The following PIN4 variants were observed in gnomAD, a reference collection of about 807,000 sequenced individuals.
PIN4 encodes peptidylprolyl cis/trans isomerase, NIMA-interacting 4.
PIN4 carries 3 observed loss-of-function variants against 8.3 expected under a neutral mutation model. That is an observed-to-expected ratio of 0.36 (90% CI 0.16 to 0.93). The LOEUF is 0.93. PIN4 is among the 40% of genes least tolerant of loss of function. PIN4 has a pLI of 0.44. For missense variants in PIN4, 75 were observed against 100.6 expected, an observed-to-expected ratio of 0.75 and a Z score of 1.09; for synonymous variants, 18 against 32.5, an observed-to-expected ratio of 0.55 and a Z score of 1.52.
intron 3 of PIN4, among the ~76,000 whole-genome samples, chrX:72,232,995 G>A (rs1047724520): frequency 2.7e-5 from 3 of 110,971 alleles, no homozygotes; most frequent in African/African-American, 9.8e-5. Flanking sequence ...CTGATGGGTT[G>A]GTGGGGAACT....
intron 3 of PIN4, among the ~76,000 whole-genome samples, chrX:72,251,374 A>AAAAAAAAAAAAAAAAAAT (rs1242550251): frequency 9.3e-6 from 1 of 107,033 alleles, no homozygotes; most frequent in Admixed American, 1.0e-4. Context: ...AAAAAAAAAA[A>AAAAAAAAAAAAAAAAAAT]ATATGTGTGA....
downstream of PIN4, among the ~76,000 whole-genome samples, chrX:72,200,451 A>G (rs1016179856): frequency 1.8e-5 from 2 of 111,767 alleles, no homozygotes; most frequent in African/African-American, 6.5e-5. Context: ...ATGCAATTAT[A>G]TCCTCTGGAA....
intron 3 of PIN4, among the ~76,000 whole-genome samples, chrX:72,219,111 C>T (rs752420940): frequency 2.8e-4 from 31 of 110,990 alleles, no homozygotes; most frequent in Non-Finnish European, 5.5e-4. Flanking sequence ...CAAAAATTAG[C>T]TGGGTGTGGT....
At chrX:72,261,674 T>G (rs932956898) in intron 3 of PIN4, among the ~76,000 whole-genome samples, 8 of 112,416 alleles carry the variant, frequency 7.1e-5, no homozygotes, top group African/African-American at 2.6e-4. Context: ...TGCTGCCAAT[T>G]AGACCTGGTT....
At chrX:72,239,589 G>T (rs1159224666) in intron 3 of PIN4, among the ~76,000 whole-genome samples, 1 of 110,432 alleles carries the variant, frequency 9.1e-6, no homozygotes, top group Non-Finnish European at 1.9e-5. Context: ...TGGCTAAAAT[G>T]GTGACACCCC....
At chrX:72,220,579 C>T (rs1297261894) in intron 3 of PIN4, among the ~76,000 whole-genome samples, 1 of 110,932 alleles carries the variant, frequency 9.0e-6, no homozygotes, top group African/African-American at 3.3e-5. Context: ...AAGATAACCC[C>T]CCTCTGGCCA....
intron 3 of PIN4, 61 bp from the exon 4 acceptor site, chrX:72,197,307 T>G (rs2042771638): frequency 1.9e-6 from 2 of 1,051,486 alleles, no homozygotes; most frequent in Admixed American, 5.5e-5. Flanking sequence ...TCTCTCAAGC[T>G]ACAGTAGAAC....
intron 1 of PIN4, 126 bp downstream of exon 1, chrX:72,181,954 C>CGATTACATCTGTA: frequency 3.9e-6 from 2 of 511,655 alleles, no homozygotes; most frequent in South Asian, 5.5e-5. Flanking sequence ...GTGCTGCCAT[C>CGATTACATCTGTA]GATTACATCT....
chrX:72,203,317 C>CTGAG (rs1197522243), downstream of PIN4, among the ~76,000 whole-genome samples: 3 of 111,746 alleles, frequency 2.7e-5, no homozygotes, highest in African/African-American at 9.8e-5. Flanking sequence ...TAAACGTTTC[C>CTGAG]TGAGTTTTAT....
At chrX:72,186,659 A>C in intron 2 of PIN4, 125 bp downstream of exon 2, 1 of 513,794 alleles carries the variant, frequency 1.9e-6, no homozygotes, top group South Asian at 3.1e-5. Flanking sequence ...AAATCAAAAT[A>C]ACACAAAATT....
chrX:72,205,317 T>C lies in PIN4; in HGVS notation c.312+8413T>C, dbSNP rs761740948. On this transcript the variant is annotated intron_variant, in intron 3 of 3. Coordinates refer to the PIN4 transcript ENST00000423432. The stretch of plus-strand genomic sequence containing the variant: ...AGCTGGACTTGTTTTCTGAAGACAG[T>C]GTTTCTCCGGAAGGATCCTCTTCTG... 12 of 1,210,478 alleles carry C rather than the reference T, an allele frequency of 9.9e-6. No individual in the cohort carries two copies. In the African/African-American group the frequency reaches 1.2e-4, roughly 12 times the overall value.
At chrX:72,244,291 G>C (rs2043059733) in intron 3 of PIN4, among the ~76,000 whole-genome samples, 1 of 111,798 alleles carries the variant, frequency 8.9e-6, no homozygotes, top group Admixed American at 9.6e-5. Flanking sequence ...ATACCATGAG[G>C]TATCTGACCC....
rs994214495 is a variant in PIN4, at chrX:72,197,765, G to C, written c.*239G>C. On this transcript the variant is annotated 3_prime_UTR_variant, in exon 4 of 4. Transcript: ENST00000373669. ...GTCTTTCTCAAAGAGAAGTCAAGCA[G>C]ACTCCCTTTAACCTGTATTCTCTTT... 1.1e-6 allele frequency: 1 copy of C among 904,757 alleles called. No homozygotes were observed. The highest frequency in any genetic ancestry group is 1.4e-6 in the Non-Finnish European group (1 of 732,160). 74.6% of individuals were successfully genotyped at this position (904,757 alleles called of 1,213,427 possible). A position where few individuals can be genotyped will look rare whatever the true frequency, so the allele number is the denominator to read the frequency against.
At chrX:72,251,344 C>T (rs1278115604) in intron 3 of PIN4, among the ~76,000 whole-genome samples, 1 of 51,261 alleles carries the variant, frequency 2.0e-5, no homozygotes, top group Non-Finnish European at 3.1e-5. Flanking sequence ...GCCTGGGCGA[C>T]ACAGCGAGAC....
At chrX:72,212,524 AAC>A in intron 3 of PIN4, among the ~76,000 whole-genome samples, 1 of 112,187 alleles carries the variant, frequency 8.9e-6, no homozygotes, top group South Asian at 3.7e-4. Flanking sequence ...AGCTAAGTTA[AAC>A]ACACAGTGTT....
intron 2 of PIN4, among the ~76,000 whole-genome samples, 188 bp from the exon 3 acceptor site, chrX:72,196,597 C>CTA (rs933617679): frequency 1.8e-5 from 2 of 109,656 alleles, no homozygotes; most frequent in Non-Finnish European, 3.8e-5. Context: ...AATCAGGACT[C>CTA]TGAGACATTG....
chrX:72,262,571 C>T, intron 3 of PIN4: 1 of 393,252 alleles, frequency 2.5e-6, no homozygotes, highest in Non-Finnish European at 4.4e-6. Context: ...GATGATCAGA[C>T]ACAATAAATG....
At chrX:72,220,575 A>AC (rs892813966) in intron 3 of PIN4, among the ~76,000 whole-genome samples, 1 of 108,581 alleles carries the variant, frequency 9.2e-6, no homozygotes, top group Non-Finnish European at 1.9e-5. Flanking sequence ...CCCCAAGATA[A>AC]CCCCCCTCTG....
intron 3 of PIN4, among the ~76,000 whole-genome samples, chrX:72,257,462 T>G (rs1276821924): frequency 8.9e-6 from 1 of 111,864 alleles, no homozygotes; most frequent in Non-Finnish European, 1.9e-5. Flanking sequence ...TTAGGAGCAC[T>G]GCTAGGAGCA....
Sources: allele counts gnomAD v4.1 joint callset (sites outside exome capture counted in the v4.1 genomes callset), GRCh38; gene constraint gnomAD v4.1.1; transcripts MANE v1.5; gene names NCBI Gene and HGNC (gene_info 2026-07-23, HGNC 2026-07-21).